The following PSG11 variants were observed in gnomAD, a reference collection of about 807,000 sequenced individuals.
The protein encoded by PSG11 is pregnancy specific beta-1-glycoprotein 11.
In PSG11, 42 loss-of-function variants were observed where a neutral mutation model predicts 36.0. The observed-to-expected ratio is 1.17, with a 90% CI of 0.91 to 1.51. The LOEUF (loss-of-function observed/expected upper bound fraction) is 1.51. Ranked by LOEUF, PSG11 falls within the 40% of genes most tolerant of loss-of-function variation. PSG11 has a pLI of 0.00. For synonymous variants in PSG11, 206 were observed against 153.5 expected (o/e 1.34, Z -2.53); for missense variants, 558 against 403.5 (o/e 1.38, Z -3.28).
chr19:43,026,406 G>T lies in PSG11; in HGVS notation c.-34C>A. 4.4e-6 allele frequency: 7 copies of T among 1,605,188 alleles called. No homozygotes were observed. The highest frequency in any genetic ancestry group is 6.0e-6 in the Non-Finnish European group (7 of 1,174,978). ...CTGCGTGCATGTTCTCCTCTGTGGA[G>T]ATGAGCCTAGGATCCAGAAGCTTCC... is the stretch of plus-strand genomic sequence containing the variant. On this transcript the variant is annotated 5_prime_UTR_variant, in exon 1 of 6. Coordinates refer to ENST00000320078, the MANE Select transcript of PSG11 (RefSeq NM_002785.3).
rs904107945 is a variant in PSG11 at position 43,018,665 on chromosome 19, G to A, written c.709+105C>T. ...TCATGGCCAGCTTTGATGTCCAGTG[G>A]TAAAGGTCTCTGTACTTGGACCTGA... On this transcript the variant is annotated intron_variant, in intron 3 of 5. Transcript: ENST00000320078. 78 of 1,603,602 alleles carry A rather than the reference G, an allele frequency of 4.9e-5. 1 individual carries two copies. Among genetic ancestry groups the A allele is most frequent in the African/African-American group, 1.2e-4 (9 of 74,194 alleles).
At position 43,010,211 on chromosome 19, in the gene PSG11, CCT is replaced by C. The variant is rs1435565043; in HGVS notation, c.965-172_965-171del. ...GATTATATTCTTGCAGTTTTTTTTCCCTCTCACCATGTTTCTCAGTTGGTGAT... is the reference window on the plus strand; with the variant it reads ...GATTATATTCTTGCAGTTTTTTTTCCCTCACCATGTTTCTCAGTTGGTGAT... On this transcript the variant is annotated intron_variant, in intron 4 of 5. Transcript: ENST00000320078. 4.1e-6 allele frequency: 6 copies of C among 1,449,930 alleles called. No individual in the cohort carries two copies. The African/African-American group carries it at 8.7e-5, about 21-fold the overall frequency. 89.8% of individuals were successfully genotyped at this position (1,449,930 alleles called of 1,614,324 possible).
rs563365006 is a variant in PSG11, at chr19:43,022,897, A to G, written c.430+1794T>C. ...GGGAAGGGAATAGAACAGCCAGCCT[A>G]GTTAGAGGGAGTGTCTGGGGAAGGC... On this transcript the variant is annotated intron_variant, in intron 2 of 5. Coordinates refer to ENST00000320078, the MANE Select transcript of PSG11 (RefSeq NM_002785.3). 4.0e-5 allele frequency among the ~76,000 whole-genome samples: 6 copies of G among 150,510 alleles called. No homozygotes were observed. In the East Asian group the frequency reaches 1.2e-3, roughly 30 times the overall value.
rs541129916 is a variant in PSG11 at position 43,018,620 on chromosome 19, G to A, written c.709+150C>T. On this transcript the variant is annotated intron_variant, in intron 3 of 5. Transcript: ENST00000320078. Reference sequence around the variant, plus strand: ...TGTGGATCAAGCCTAGGCCTACTGTGGTTTGTCTGGGGCAGAAAGTCATGG... The same window carrying A: ...TGTGGATCAAGCCTAGGCCTACTGTAGTTTGTCTGGGGCAGAAAGTCATGG... The A allele has an allele frequency of 1.3e-6, 2 of 1,546,832 alleles. 1 individual carries two copies. Among genetic ancestry groups the A allele is most frequent in the African/African-American group, 2.7e-5 (2 of 72,894 alleles).
rs747499498 is a variant in PSG11 at position 43,009,960 on chromosome 19, G to T, written c.*38C>A. The T allele has an allele frequency of 4.4e-6, 7 of 1,579,436 alleles. No individual in the cohort carries two copies. The highest frequency in any genetic ancestry group is 6.1e-6 in the Non-Finnish European group (7 of 1,149,882). On this transcript the variant is annotated splice_region_variant and 3_prime_UTR_variant, in exon 5 of 6. Transcript: ENST00000320078. ...GATAAGAGAAAAGGTCATCATACCT[G>T]CCAGTCTTCCTGAAATACAAAAATG...
At chr19:43,019,901 G>C (rs184574817) in intron 2 of PSG11, among the ~76,000 whole-genome samples, 1 of 151,490 alleles carries the variant, frequency 6.6e-6, no homozygotes. Context: ...ATGAACTGAT[G>C]ATGGAAGTCT....
At chr19:43,012,490 A>G (rs1255441083) in intron 4 of PSG11, among the ~76,000 whole-genome samples, 2 of 151,480 alleles carry the variant, frequency 1.3e-5, no homozygotes, top group Non-Finnish European at 2.9e-5. Flanking sequence ...GTATTTCAAT[A>G]CACTAACCAT....
intron 3 of PSG11, among the ~76,000 whole-genome samples, chr19:43,017,004 G>C (rs1326681479): frequency 6.6e-6 from 1 of 151,378 alleles, no homozygotes; most frequent in East Asian, 1.9e-4. Flanking sequence ...TCTACTCTCT[G>C]ATCCCCTGGG....
chr19:43,012,476 A>G lies in PSG11; in HGVS notation c.965-2435T>C, dbSNP rs922130270. On this transcript the variant is annotated intron_variant, in intron 4 of 5. Coordinates refer to ENST00000320078, the MANE Select transcript of PSG11 (RefSeq NM_002785.3). ...AATACAAAATCAACATTCAAACATCAGTTGTATTTCAATACACTAACCATG... is the reference window on the plus strand; with the variant it reads ...AATACAAAATCAACATTCAAACATCGGTTGTATTTCAATACACTAACCATG... Among the ~76,000 whole-genome samples, 3 of 151,494 alleles carry G rather than the reference A, an allele frequency of 2.0e-5. No individual in the cohort carries two copies. In the East Asian group the frequency reaches 5.8e-4, roughly 29 times the overall value.
In PSG11 at chr19:43,021,059, A is replaced by G. The variant is rs904172356; in HGVS notation, c.431-2011T>C. On this transcript the variant is annotated intron_variant, in intron 2 of 5. Transcript: ENST00000320078. ...ATGTGGCACAGGCAGTAAAACCATC[A>G]GATAGCACCCACCTGGCCACCTCCA... Among the ~76,000 whole-genome samples, 5 of 151,392 alleles carry G rather than the reference A, an allele frequency of 3.3e-5. 1 individual carries two copies. The highest frequency in any genetic ancestry group is 1.2e-4 in the African/African-American group (5 of 40,988).
rs60106939 is a variant in PSG11, at chr19:43,022,034, G to A, written c.430+2657C>T. Among the ~76,000 whole-genome samples, 689 of 151,568 alleles carry A rather than the reference G, an allele frequency of 4.5e-3. 30 individuals are homozygous for A. Among genetic ancestry groups the A allele is most frequent in the African/African-American group, 0.016 (648 of 41,198 alleles). On this transcript the variant is annotated intron_variant, in intron 2 of 5. Transcript: ENST00000320078. ...ATTTAGTTTATGGTTTAACTTTGAA[G>A]CAAGAATGATAATAGTTCCTCCATA...
rs558724257 is a variant in PSG11 at position 43,025,346 on chromosome 19, C to G, written c.65-290G>C. 7 of 448,940 alleles carry G rather than the reference C, an allele frequency of 1.6e-5. No individual in the cohort carries two copies. The East Asian group carries it at 3.4e-4, about 22-fold the overall frequency. The allele number at this position is 448,940 out of a possible 1,614,324, so 27.8% of individuals were successfully genotyped here. The stretch of plus-strand genomic sequence containing the variant: ...TTTGGAATCCTCTTCCCCAGGGGTC[C>G]GCATGGCCCCCTCCACACTGCCCTC... On this transcript the variant is annotated intron_variant, in intron 1 of 5. Transcript: ENST00000320078.
At chr19:43,020,991 A>T (rs1173774474) in intron 2 of PSG11, among the ~76,000 whole-genome samples, 2 of 151,222 alleles carry the variant, frequency 1.3e-5, no homozygotes, top group African/African-American at 4.9e-5. Flanking sequence ...CACACGAAGA[A>T]CTCCAACTTA....
intron 4 of PSG11, 35 bp from the exon 5 acceptor site, chr19:43,010,076 G>T (rs376971557): frequency 6.3e-7 from 1 of 1,597,002 alleles, no homozygotes; most frequent in Non-Finnish European, 8.6e-7. Flanking sequence ...AGGAATGAAG[G>T]TGATGTTATT....
chr19:43,021,159 T>C (rs973120004), intron 2 of PSG11, among the ~76,000 whole-genome samples: 5 of 151,506 alleles, frequency 3.3e-5, no homozygotes, highest in African/African-American at 1.2e-4. Flanking sequence ...AGCTACAAAA[T>C]TTTAAAAATG....
Position 43,016,024 on chromosome 19 carries a change from A to T in PSG11, c.710-654T>A, listed in dbSNP as rs1966956088. ...CCTGGGGTTTAAGTTGTTGATGGTG[A>T]TGTAGGGCATGGGCAGCTTTGCTGT... On this transcript the variant is annotated intron_variant, in intron 3 of 5. Coordinates refer to ENST00000320078, the MANE Select transcript of PSG11 (RefSeq NM_002785.3). 1.2e-6 allele frequency: 2 copies of T among 1,609,960 alleles called. 1 individual carries two copies. Among genetic ancestry groups the T allele is most frequent in the African/African-American group, 2.7e-5 (2 of 74,160 alleles).
At chr19:43,015,479 C>A in intron 3 of PSG11, 109 bp from the exon 4 acceptor site, 3 of 1,397,158 alleles carry the variant, frequency 2.1e-6, no homozygotes, top group Non-Finnish European at 2.9e-6. Context: ...ACCCTCAAGT[C>A]CCAGCCAAAC....
At chr19:43,008,235 T>G in intron 5 of PSG11, 193 bp from the exon 6 acceptor site, 1 of 197,664 alleles carries the variant, frequency 5.1e-6, no homozygotes, top group Non-Finnish European at 1.0e-5. Flanking sequence ...GTAACATATT[T>G]GATTTCCAGA....
At chr19:43,023,555 C>T (rs374342436) in intron 2 of PSG11, among the ~76,000 whole-genome samples, 1 of 151,164 alleles carries the variant, frequency 6.6e-6, no homozygotes, top group Non-Finnish European at 1.5e-5. Context: ...GGAGTATAGA[C>T]TAATCAGCTG....
Sources: allele counts gnomAD v4.1 joint callset (sites outside exome capture counted in the v4.1 genomes callset), GRCh38; gene constraint gnomAD v4.1.1; transcripts MANE v1.5; gene names NCBI Gene and HGNC (gene_info 2026-07-23, HGNC 2026-07-21).